Variants in CRYBA2 observed in about 807,000 individuals in gnomAD.
The protein encoded by CRYBA2 is beta-crystallin A2.
A neutral mutation model predicts 18.5 loss-of-function variants in CRYBA2; 17 were observed. That is an observed-to-expected ratio of 0.92 (90% confidence interval 0.63 to 1.38). The LOEUF is 1.38. CRYBA2 is among the 40% of genes most tolerant of loss of function. CRYBA2 has a pLI of 0.00. For missense variants in CRYBA2, 271 were observed against 265.0 expected (o/e 1.02, Z -0.16); for synonymous variants, 101 against 106.2 (o/e 0.95, Z 0.30).
chr2:218,990,438 G>GCCCCCCCCCCCCCCCCCCCTGTTTCCC, intron 3 of CRYBA2, 39 bp from the exon 4 acceptor site: 1 of 1,606,078 alleles, frequency 6.2e-7, no homozygotes, highest in Non-Finnish European at 8.5e-7. Context: ...AGTAAGCTCT[G>GCCCCCCCCCCCCCCCCCCCTGTTTCCC]CCCCCACCCC....
rs761531055 is a variant in CRYBA2 at position 218,992,162 on chromosome 2, C to A, written c.243G>T (p.Trp81Cys). 19 of 1,613,258 alleles carry A rather than the reference C, an allele frequency of 1.2e-5. No individual in the cohort carries two copies. The East Asian group carries it at 3.8e-4, about 32-fold the overall frequency. ...TGCTGTTGTGGCTGCTGCTGCCACT[C>A]CAGGCGCTCCAGCGAGGATAGTCTC... is the stretch of plus-strand genomic sequence containing the variant. ...EKGDYPRWSAWSGSSSHNSNQ... is the reference protein window; with the variant it reads ...EKGDYPRWSACSGSSSHNSNQ... Residue 81 changes from tryptophan (W) to cysteine (C), a missense_variant, in exon 2 of 4, where the codon TGG (tryptophan) becomes TGT (cysteine). Physicochemically the swap from Trp to Cys is radical, Grantham distance 215 (BLOSUM62 -2). Coordinates refer to ENST00000295728, the MANE Select transcript of CRYBA2 (RefSeq NM_057093.2).
rs780593653 is a variant in CRYBA2, at chr2:218,992,104, C to T, written c.301G>A (p.Ala101Thr). The change falls in exon 2 of 4, where the codon GCG (alanine) becomes ACG (threonine). Residue 101 changes from alanine to threonine, a missense_variant and splice_region_variant. Ala to Thr is a moderately conservative substitution (Grantham distance 58, BLOSUM62 0). Transcript: ENST00000295728. ...GAGGAGAAGTGGGCTGTGCTCACCG[C>T]GCAGAGCACTGGCCGGAAGGACAGC... ...QLLSFRPVLC[A>T]NHNDSRVTLF... The T allele has an allele frequency of 1.2e-5, 20 of 1,611,822 alleles. No individual in the cohort carries two copies. In the African/African-American group the frequency reaches 1.3e-4, roughly 11 times the overall value.
chr2:218,990,992 G>T lies in CRYBA2; in HGVS notation c.306C>A (p.Asn102Lys), dbSNP rs770159885. 6.2e-7 allele frequency: 1 copy of T among 1,613,932 alleles called. No individual in the cohort carries two copies. The highest frequency in any genetic ancestry group is 8.5e-7 in the Non-Finnish European group (1 of 1,179,946). The change falls in exon 3 of 4, where the codon AAC (asparagine) becomes AAA (lysine). Residue 102 changes from asparagine to lysine, a missense_variant and splice_region_variant. By Grantham distance (94) the Asn-to-Lys change is moderately conservative (BLOSUM62 0). Transcript: ENST00000295728. ...LLSFRPVLCANHNDSRVTLFE... is the reference protein window; with the variant it reads ...LLSFRPVLCAKHNDSRVTLFE... ...ACAGTGTCACACGGCTGTCATTGTG[G>T]TTCTGAGGCACAGCAAGATCAGGAC...
chr2:218,990,541 C>T, intron 3 of CRYBA2, 142 bp from the exon 4 acceptor site: 2 of 1,068,858 alleles, frequency 1.9e-6, no homozygotes, highest in Middle Eastern at 3.0e-4. Context: ...TGGCTCTCTC[C>T]CTCCCCTGCC....
chr2:218,990,728 C>T, intron 3 of CRYBA2, 124 bp downstream of exon 3: 1 of 1,243,850 alleles, frequency 8.0e-7, no homozygotes, highest in Admixed American at 2.2e-5. Context: ...ATCTCCCTCC[C>T]CTTGCCTCCA....
At chr2:218,991,140 C>T in intron 2 of CRYBA2, 146 bp from the exon 3 acceptor site, 1 of 1,233,690 alleles carries the variant, frequency 8.1e-7, no homozygotes, top group South Asian at 1.6e-5. Context: ...CTCACCCCAT[C>T]AGCTCCCTGG....
chr2:218,990,494 C>A (rs2106017207), intron 3 of CRYBA2, 95 bp from the exon 4 acceptor site: 1 of 1,460,530 alleles, frequency 6.8e-7, no homozygotes, highest in South Asian at 1.2e-5. Context: ...AGCTCCCAAC[C>A]CCCAGTTCCA....
In CRYBA2 at chr2:218,990,371, G is replaced by A. The variant is rs750405127; in HGVS notation, c.475C>T (p.Arg159Ter). The change falls in exon 4 of 4, where the codon CGA becomes TGA. Residue 159 changes from arginine to a stop codon, truncating the protein, a stop_gained. Coordinates refer to ENST00000295728, the MANE Select transcript of CRYBA2 (RefSeq NM_057093.2). LOFTEE classifies it low-confidence loss of function (END_TRUNC). ...AWVAYQYPGY[R>*]GYQYVLERDR... is the part of the protein sequence containing the mutation. ...CGCTCCAACACATACTGGTAGCCTC[G>A]GTAGCCTGGGTACTGGTAGGCCACC... 21 of 1,613,930 alleles carry A rather than the reference G, an allele frequency of 1.3e-5. No homozygotes were observed. Among genetic ancestry groups the A allele is most frequent in the Middle Eastern group, 1.6e-4 (1 of 6,070 alleles).
rs1021105498 is a variant in CRYBA2, at chr2:218,990,287, C to G, written c.559G>C (p.Gly187Arg). 8.7e-6 allele frequency: 14 copies of G among 1,614,048 alleles called. No homozygotes were observed. In the African/African-American group the frequency reaches 1.7e-4, roughly 20 times the overall value. Reference protein sequence around the residue: ...YGELGTQAHTGQLQSIRRVQH With the variant: ...YGELGTQAHTRQLQSIRRVQH ...ACTCTCCGGATGGACTGCAGCTGCC[C>G]AGTGTGGGCCTGTGTGCCGAGCTCA... The change falls in exon 4 of 4, where the codon GGG becomes CGG. Residue 187 changes from glycine to arginine, a missense_variant. Gly to Arg is a moderately radical substitution (Grantham distance 125, BLOSUM62 -2). Coordinates refer to ENST00000295728, the MANE Select transcript of CRYBA2 (RefSeq NM_057093.2).
rs1360505014 is a variant in CRYBA2 at position 218,992,243 on chromosome 2, A to C, written c.162T>G (p.Val54=). ...RVRSVKVENG[V]WVAFEYPDFQ... is the part of the protein sequence containing the mutation. ...AGTCGGGGTACTCAAAGGCCACCCAACTGGAAAAGGAGAAGAGCTGGGAGG... is the reference window on the plus strand; with the variant it reads ...AGTCGGGGTACTCAAAGGCCACCCACCTGGAAAAGGAGAAGAGCTGGGAGG... Residue 54 remains valine, a splice_region_variant and synonymous_variant, in exon 2 of 4, where the codon GTT becomes GTG. Transcript: ENST00000295728. 6.2e-7 allele frequency: 1 copy of C among 1,612,966 alleles called. No individual in the cohort carries two copies. The highest frequency in any genetic ancestry group is 8.5e-7 in the Non-Finnish European group (1 of 1,179,802).
chr2:218,992,948 T>G, intron 1 of CRYBA2, 68 bp downstream of exon 1: 1 of 1,333,568 alleles, frequency 7.5e-7, no homozygotes, highest in Non-Finnish European at 1.0e-6. Context: ...GGGCTGAGGC[T>G]CTGAGCCTAG....
rs761469307 is a variant in CRYBA2 at position 218,990,333 on chromosome 2, G to T, written c.513C>A (p.Ser171Arg). ...GCTCACCGTAAGTACAGAACTCTCC[G>T]CTGTGCCGGTCCCGCTCCAACACAT... The part of the protein sequence containing the change: ...YQYVLERDRH[S>R]GEFCTYGELG... The change falls in exon 4 of 4, where the codon AGC becomes AGA. Residue 171 changes from serine to arginine, a missense_variant. By Grantham distance (110) the Ser-to-Arg change is moderately radical. Transcript: ENST00000295728. The T allele has an allele frequency of 6.2e-7, 1 of 1,614,132 alleles. No homozygotes were observed. Among genetic ancestry groups the T allele is most frequent in the Non-Finnish European group, 8.5e-7 (1 of 1,180,006 alleles).
chr2:218,991,049 A>G, intron 2 of CRYBA2, 55 bp from the exon 3 acceptor site: 1 of 1,594,542 alleles, frequency 6.3e-7, no homozygotes, highest in Non-Finnish European at 8.6e-7. Context: ...GGGTTAACGG[A>G]TACATCCTCT....
intron 3 of CRYBA2, 39 bp from the exon 4 acceptor site, chr2:218,990,438 G>GCCCCCCCCCCCCCCCCACACTTCCCCC: frequency 6.2e-7 from 1 of 1,606,078 alleles, no homozygotes; most frequent in Non-Finnish European, 8.5e-7. Flanking sequence ...AGTAAGCTCT[G>GCCCCCCCCCCCCCCCCACACTTCCCCC]CCCCCACCCC....
rs1248758907 is a variant in CRYBA2 at position 218,993,032 on chromosome 2, T to C, written c.145A>G (p.Lys49Glu). The C allele has an allele frequency of 6.2e-7, 1 of 1,605,760 alleles. No homozygotes were observed. Among genetic ancestry groups the C allele is most frequent in the African/African-American group, 1.3e-5 (1 of 74,760 alleles). ...RGGLPRVRSV[K>E]VENGVWVAFE... ...ATCACTCACACGCCGTTTTCCACCTTGACCGAGCGCACCCTGGGCAGGCCT... is the reference window on the plus strand; with the variant it reads ...ATCACTCACACGCCGTTTTCCACCTCGACCGAGCGCACCCTGGGCAGGCCT... The change falls in exon 1 of 4, where the codon AAG becomes GAG. Residue 49 changes from lysine to glutamate, a missense_variant. Transcript: ENST00000295728. This position sits in a 1 kb window ranked among gnomAD's most constrained non-coding sequence, Gnocchi z 7.7.
chr2:218,991,035 C>T (rs1239291271), intron 2 of CRYBA2, 41 bp from the exon 3 acceptor site: 2 of 1,607,888 alleles, frequency 1.2e-6, no homozygotes, highest in Non-Finnish European at 1.7e-6. Flanking sequence ...TCAGGGCTTC[C>T]AAAGGGTTAA....
intron 2 of CRYBA2, chr2:218,991,239 T>C (rs1011390625): frequency 6.1e-6 from 3 of 492,372 alleles, no homozygotes; most frequent in African/African-American, 1.9e-5. Flanking sequence ...GGATAGGATT[T>C]CCAGAGACCC....
At position 218,990,315 on chromosome 2, in the gene CRYBA2, G is replaced by C. The variant is rs373588968; in HGVS notation, c.531C>G (p.Tyr177Ter). 2 of 1,614,142 alleles carry C rather than the reference G, an allele frequency of 1.2e-6. No homozygotes were observed. The highest frequency in any genetic ancestry group is 1.1e-5 in the South Asian group (1 of 91,078). ...RDRHSGEFCT[Y>*]GELGTQAHTG... ...TGTGGGCCTGTGTGCCGAGCTCACC[G>C]TAAGTACAGAACTCTCCGCTGTGCC... The change falls in exon 4 of 4, where the codon TAC (tyrosine) becomes TAG (stop). Residue 177 changes from tyrosine (Y) to a stop codon, truncating the protein, a stop_gained. Coordinates refer to ENST00000295728, the MANE Select transcript of CRYBA2 (RefSeq NM_057093.2). LOFTEE classifies it high-confidence loss of function.
In CRYBA2 at chr2:218,993,376, G is replaced by A; in HGVS notation, c.-200C>T. 3.5e-6 allele frequency: 2 copies of A among 563,560 alleles called. No individual in the cohort carries two copies. The highest frequency in any genetic ancestry group is 3.2e-5 in the East Asian group (1 of 31,044). 34.9% of individuals were successfully genotyped at this position (563,560 alleles called of 1,614,324 possible). On this transcript the variant is annotated 5_prime_UTR_variant, in exon 1 of 4. Transcript: ENST00000295728. The surrounding 1 kb of genome is among the most constrained non-coding windows in gnomAD (Gnocchi z 7.7). ...CCCACCCCAGCAGAGGGCATTCACCGGGTGGGTGAGCGCGGCACGCGAGGG... is the reference window on the plus strand; with the variant it reads ...CCCACCCCAGCAGAGGGCATTCACCAGGTGGGTGAGCGCGGCACGCGAGGG...
Sources: gnomAD v4.1 joint callset for allele counts on GRCh38, gnomAD v4.1.1 for gene constraint, Gnocchi (gnomAD v3.1) non-coding constraint, MANE v1.5 for transcripts, NCBI Gene and HGNC (gene_info 2026-07-23, HGNC 2026-07-21) for gene names.